CEP164: variants seen among roughly 807,000 people sequenced by gnomAD.
CEP164 encodes centrosomal protein 164.
Under a neutral mutation model 182.7 loss-of-function variants are expected in CEP164, and 162 were observed. That is an observed-to-expected ratio of 0.89 (90% CI 0.78 to 1.01). The LOEUF is 1.01. CEP164 is among the 50% of genes least tolerant of loss of function. The pLI is 0.00. For synonymous variants in CEP164, 661 were observed against 690.0 expected (o/e 0.96, Z 0.66); for missense variants, 1,735 against 1,790.4 (o/e 0.97, Z 0.56).
chr11:117,362,146 A>G (rs998296274), intron 6 of CEP164, among the ~76,000 whole-genome samples, 153 bp downstream of exon 6: 1 of 152,180 alleles, frequency 6.6e-6, no homozygotes, highest in Non-Finnish European at 1.5e-5. Flanking sequence ...TCGCACCTGT[A>G]TGAATGTGGA....
chr11:117,364,066 A>G (rs985244254), intron 8 of CEP164: 4 of 151,770 alleles, frequency 2.6e-5, no homozygotes, highest in Non-Finnish European at 4.4e-5. Flanking sequence ...GTGCCCAGCT[A>G]TGTGTTTTTG....
chr11:117,359,449 C>G, intron 5 of CEP164: 2 of 985,440 alleles, frequency 2.0e-6, no homozygotes, highest in Non-Finnish European at 2.4e-6. Context: ...GATTGTGGAC[C>G]TGCAGAAGCT....
At chr11:117,328,690 T>A (rs1034714363) in intron 1 of CEP164, among the ~76,000 whole-genome samples, 2 of 152,178 alleles carry the variant, frequency 1.3e-5, no homozygotes, top group Non-Finnish European at 1.5e-5. Context: ...CCTCTTGTAT[T>A]TTTTTATCTC....
chr11:117,392,615 G>T lies in CEP164; in HGVS notation c.2481G>T (p.Gly827=). The change falls in exon 19 of 33, where the codon GGG becomes GGT. Residue 827 remains glycine (G), a synonymous_variant. Coordinates refer to ENST00000278935, the MANE Select transcript of CEP164 (RefSeq NM_014956.5). ...RVHQKSYHVA[G]YEHELSSLLR... The stretch of plus-strand genomic sequence containing the variant: ...ACCAGAAGTCTTATCACGTGGCTGG[G>T]TATGAGCACGAGGTGAGTGCTGCTC... The T allele has an allele frequency of 6.8e-6, 11 of 1,614,054 alleles. No individual in the cohort carries two copies. Among genetic ancestry groups the T allele is most frequent in the African/African-American group, 1.3e-5 (1 of 75,068 alleles).
chr11:117,370,606 T>C (rs777398946), intron 8 of CEP164, among the ~76,000 whole-genome samples: 14 of 152,018 alleles, frequency 9.2e-5, no homozygotes, highest in Non-Finnish European at 2.9e-5. Context: ...GAGTCAGGAA[T>C]CTGTGTTTTA....
In CEP164 at chr11:117,390,852, A is replaced by G. The variant is rs138948471; in HGVS notation, c.2010A>G (p.Leu670=). The part of the protein sequence containing the change: ...ARMREEESQR[L]SWLRAQVQSS... ...TGAGAGAGGAGGAAAGCCAGAGGCT[A>G]TCCTGGCTCCGAGCTCAGGTCCAGT... The change falls in exon 16 of 33, where the codon CTA becomes CTG. Residue 670 remains leucine, a synonymous_variant. Coordinates refer to ENST00000278935, the MANE Select transcript of CEP164 (RefSeq NM_014956.5). The G allele has an allele frequency of 3.1e-6, 5 of 1,613,660 alleles. No homozygotes were observed. In the African/African-American group the frequency reaches 5.3e-5, roughly 17 times the overall value.
chr11:117,338,304 T>C (rs1480744023), intron 2 of CEP164, among the ~76,000 whole-genome samples: 1 of 152,222 alleles, frequency 6.6e-6, no homozygotes, highest in East Asian at 1.9e-4. Context: ...AAAGTCAAAC[T>C]CTTGACAGAG....
chr11:117,350,578 TA>T (rs1291424654), intron 4 of CEP164, among the ~76,000 whole-genome samples: 1 of 152,202 alleles, frequency 6.6e-6, no homozygotes, highest in African/African-American at 2.4e-5. Flanking sequence ...TTTACCCCGA[TA>T]TTTTTTTATT....
Position 117,409,036 on chromosome 11 carries a change from G to A in CEP164, c.3748+8G>A. ...GGTGGCGGCAGCAGAGGAGTGAGTG[G>A]GGGAGATGCGGGGTGAGGACCATGG... On this transcript the variant is annotated splice_region_variant and intron_variant, in intron 29 of 32. Coordinates refer to ENST00000278935, the MANE Select transcript of CEP164 (RefSeq NM_014956.5). This position sits in a 1 kb window ranked among gnomAD's most constrained non-coding sequence, Gnocchi z 4.4. 18 of 1,613,900 alleles carry A rather than the reference G, an allele frequency of 1.1e-5. No individual in the cohort carries two copies. The highest frequency in any genetic ancestry group is 1.5e-5 in the Non-Finnish European group (18 of 1,179,896).
At chr11:117,367,347 C>T (rs2135817426) in intron 8 of CEP164, among the ~76,000 whole-genome samples, 1 of 152,340 alleles carries the variant, frequency 6.6e-6, no homozygotes, top group Middle Eastern at 3.4e-3. Flanking sequence ...GCAGAGAATG[C>T]AAGGTCATTC....
chr11:117,394,221 AGCT>A lies in CEP164; in HGVS notation c.2617-127_2617-125del, dbSNP rs2045108661. The A allele has an allele frequency of 1.6e-6, 2 of 1,244,732 alleles. No individual in the cohort carries two copies. The highest frequency in any genetic ancestry group is 2.3e-5 in the Admixed American group (1 of 42,598). The allele number at this position is 1,244,732 out of a possible 1,614,324, so 77.1% of individuals were successfully genotyped here. On this transcript the variant is annotated intron_variant, in intron 20 of 32. Coordinates refer to ENST00000278935, the MANE Select transcript of CEP164 (RefSeq NM_014956.5). This position sits in a 1 kb window ranked among gnomAD's most constrained non-coding sequence, Gnocchi z 4.0. ...GCTTGTAACCCTCCTCTTCTCCAAGAGCTGGCTTTAGGGAGCCGATGGTGTCCC... is the reference window on the plus strand; with the variant it reads ...GCTTGTAACCCTCCTCTTCTCCAAGAGGCTTTAGGGAGCCGATGGTGTCCC...
In CEP164 at chr11:117,411,740, C is replaced by T. The variant is rs2047376694; in HGVS notation, c.4164-55C>T. ...AGATGTGATGGCCTCTGTGCATCCT[C>T]TGTCACTTCCGCGCCTCCTCTCTCC... On this transcript the variant is annotated intron_variant, in intron 31 of 32. Transcript: ENST00000278935. The surrounding 1 kb of genome is among the most constrained non-coding windows in gnomAD (Gnocchi z 4.4). 6.2e-7 allele frequency: 1 copy of T among 1,607,698 alleles called. No homozygotes were observed. The highest frequency in any genetic ancestry group is 1.3e-5 in the African/African-American group (1 of 74,850).
In CEP164 at chr11:117,394,569, GGCCCCAGCA is replaced by G; in HGVS notation, c.2760+78_2760+86del. ...AGGAAGGTGCTGGGAGCAGACGCAT[GGCCCCAGCA>G]GGATGCAGCCTGACAGCTTCTGGAG... On this transcript the variant is annotated intron_variant, in intron 21 of 32. Coordinates refer to ENST00000278935, the MANE Select transcript of CEP164 (RefSeq NM_014956.5). The surrounding 1 kb of genome is among the most constrained non-coding windows in gnomAD (Gnocchi z 4.0). The G allele has an allele frequency of 1.9e-6, 3 of 1,542,478 alleles. No homozygotes were observed. Among genetic ancestry groups the G allele is most frequent in the East Asian group, 4.6e-5 (2 of 43,738 alleles).
intron 1 of CEP164, among the ~76,000 whole-genome samples, chr11:117,333,314 A>G (rs1275457129): frequency 6.6e-6 from 1 of 152,006 alleles, no homozygotes; most frequent in Non-Finnish European, 1.5e-5. Context: ...GCTTGGCCCA[A>G]GGGCTGCATT....
chr11:117,405,212 C>T (rs1296423582), intron 27 of CEP164, among the ~76,000 whole-genome samples: 2 of 152,152 alleles, frequency 1.3e-5, no homozygotes, highest in African/African-American at 4.8e-5. Flanking sequence ...GAAAAAAACT[C>T]CTGCAGCTAG....
chr11:117,410,202 G>A (rs2047192353), intron 30 of CEP164: 8 of 621,486 alleles, frequency 1.3e-5, no homozygotes, highest in South Asian at 5.6e-5. Flanking sequence ...GGGTTGGGAC[G>A]GTTTAGATGG....
rs148932260 is a variant in CEP164 at position 117,397,438 on chromosome 11, C to T, written c.3501+125C>T. On this transcript the variant is annotated intron_variant, in intron 27 of 32. Transcript: ENST00000278935. ...GACTCCATGAGAGTGGCCACCTTGG[C>T]CCTGGGTCACTTATATTTACTTGGC... The T allele has an allele frequency of 1.1e-3, 891 of 805,190 alleles. 7 individuals are homozygous for T. The African/African-American group carries it at 0.014, about 13-fold the overall frequency. 49.9% of individuals were successfully genotyped at this position (805,190 alleles called of 1,614,324 possible).
chr11:117,374,430 C>T (rs979717608), intron 10 of CEP164, among the ~76,000 whole-genome samples: 14 of 152,158 alleles, frequency 9.2e-5, no homozygotes, highest in Admixed American at 3.9e-4. Flanking sequence ...AAGCCATCCT[C>T]CATCTGTTTG....
chr11:117,386,415 C>G (rs1490769630), intron 14 of CEP164: 1 of 152,210 alleles, frequency 6.6e-6, no homozygotes, highest in Non-Finnish European at 1.5e-5. Context: ...TTACTTTATA[C>G]ACATCTTTTT....
Sources: allele counts gnomAD v4.1 joint callset (sites outside exome capture counted in the v4.1 genomes callset), GRCh38; gene constraint gnomAD v4.1.1; non-coding constraint Gnocchi (gnomAD v3.1); transcripts MANE v1.5; gene names NCBI Gene and HGNC (gene_info 2026-07-23, HGNC 2026-07-21).